Variants in DNER observed in about 807,000 individuals in gnomAD.
The protein encoded by DNER is delta and Notch-like epidermal growth factor-related receptor.
In DNER, 33 loss-of-function variants were observed where a neutral mutation model predicts 78.2. The observed-to-expected ratio is 0.42, with a 90% CI of 0.32 to 0.56. The LOEUF (loss-of-function observed/expected upper bound fraction) is 0.56. Ranked by LOEUF, DNER falls within the 20% of genes least tolerant of loss-of-function variation. The pLI, the probability that DNER is intolerant of heterozygous loss-of-function variation, is 0.11. For missense variants in DNER, 918 were observed against 975.3 expected (o/e 0.94, Z 0.78); for synonymous variants, 417 against 384.8 (o/e 1.08, Z -0.98).
chr2:229,565,485 A>T (rs893086877), intron 4 of DNER, among the ~76,000 whole-genome samples: 3 of 152,232 alleles, frequency 2.0e-5, no homozygotes, highest in African/African-American at 7.2e-5. Flanking sequence ...ATATGTGAAT[A>T]AACAAGATAT....
intron 4 of DNER, among the ~76,000 whole-genome samples, chr2:229,555,038 A>G (rs1174503330): frequency 1.3e-5 from 2 of 151,694 alleles, no homozygotes; most frequent in Non-Finnish European, 2.9e-5. Context: ...TTCATGGGCA[A>G]CAAGGTCATG....
chr2:229,407,455 G>C, intron 9 of DNER, 110 bp from the exon 10 acceptor site: 1 of 811,908 alleles, frequency 1.2e-6, no homozygotes, highest in Non-Finnish European at 2.0e-6. Context: ...GATTCCCAGC[G>C]TGGGTGTGTG....
At chr2:229,586,640 T>C (rs1401683314) in intron 3 of DNER, 1 of 978,762 alleles carries the variant, frequency 1.0e-6, no homozygotes, top group African/African-American at 1.8e-5. Context: ...GCTTTTCTCC[T>C]CACAGCCCAA....
intron 8 of DNER, among the ~76,000 whole-genome samples, chr2:229,441,921 T>C (rs1401495687): frequency 6.6e-6 from 1 of 152,174 alleles, no homozygotes; most frequent in Non-Finnish European, 1.5e-5. Flanking sequence ...CTGCTCTTCT[T>C]TTTCTCAGTT....
chr2:229,477,253 C>T lies in DNER; in HGVS notation c.1148G>A (p.Gly383Asp). ...GSNFTCVCLP[G>D]YTGELCQSKI... ...GGACTGGCAAAGCTCTCCAGTATAA[C>T]CTGAATAAAACAAAATGTACATTTT... Residue 383 changes from glycine (G) to aspartate (D), a missense_variant and splice_region_variant, in exon 7 of 13, where the codon GGT (glycine) becomes GAT (aspartate). Gly to Asp is a moderately conservative substitution (Grantham distance 94, BLOSUM62 -1). Coordinates refer to ENST00000341772, the MANE Select transcript of DNER (RefSeq NM_139072.4). 6.2e-7 allele frequency: 1 copy of T among 1,605,736 alleles called. No homozygotes were observed. Among genetic ancestry groups the T allele is most frequent in the Admixed American group, 1.7e-5 (1 of 59,056 alleles).
chr2:229,413,321 C>CT (rs398061160), intron 9 of DNER, among the ~76,000 whole-genome samples: 4,243 of 67,648 alleles, frequency 0.063, 477 homozygotes, highest in African/African-American at 0.2. Flanking sequence ...TTTTCTTCTT[C>CT]TTTTTTTTTT....
At chr2:229,630,524 A>AATAATAAT (rs1434299768) in intron 1 of DNER, among the ~76,000 whole-genome samples, 1 of 138,088 alleles carries the variant, frequency 7.2e-6, no homozygotes, top group Non-Finnish European at 1.6e-5. Flanking sequence ...ATAATAATAA[A>AATAATAAT]ATCTTCTGGC....
intron 10 of DNER, among the ~76,000 whole-genome samples, chr2:229,402,152 AT>A (rs1693281766): frequency 6.6e-6 from 1 of 152,170 alleles, no homozygotes; most frequent in Admixed American, 6.5e-5. Context: ...AAGAAAAAAA[AT>A]TGATAAATTA....
intron 5 of DNER, among the ~76,000 whole-genome samples, chr2:229,526,207 G>A (rs1000222291): frequency 1.3e-5 from 2 of 152,058 alleles, no homozygotes; most frequent in Admixed American, 1.3e-4. Context: ...CACATGAAGC[G>A]ATTTCTTTTG....
At chr2:229,519,803 T>C (rs1200142957) in intron 5 of DNER, among the ~76,000 whole-genome samples, 1 of 152,106 alleles carries the variant, frequency 6.6e-6, no homozygotes, top group African/African-American at 2.4e-5. Flanking sequence ...TGGTGGCATT[T>C]TAGTTCTCAC....
chr2:229,705,327 CTG>C (rs911691050), intron 1 of DNER, among the ~76,000 whole-genome samples: 8 of 152,370 alleles, frequency 5.3e-5, no homozygotes, highest in African/African-American at 1.4e-4. Context: ...CTTTCAGGAA[CTG>C]TGAGCAAAAG....
intron 1 of DNER, among the ~76,000 whole-genome samples, chr2:229,631,970 A>G (rs184735145): frequency 5.8e-4 from 89 of 152,368 alleles, no homozygotes; most frequent in Middle Eastern, 6.8e-3. Context: ...TACTAATTCT[A>G]TATCAACCAA....
At chr2:229,541,454 C>A (rs1279826986) in intron 5 of DNER, among the ~76,000 whole-genome samples, 4 of 152,114 alleles carry the variant, frequency 2.6e-5, no homozygotes, top group Admixed American at 1.3e-4. Flanking sequence ...ACACTGAAAT[C>A]AGTAAGTTTA....
chr2:229,636,108 A>T (rs1212837319), intron 1 of DNER, among the ~76,000 whole-genome samples: 4 of 152,136 alleles, frequency 2.6e-5, no homozygotes, highest in Non-Finnish European at 5.9e-5. Context: ...GGCACACCGT[A>T]ACTCCTCCAA....
chr2:229,509,978 T>C (rs1040877803), intron 6 of DNER, among the ~76,000 whole-genome samples: 13 of 152,112 alleles, frequency 8.5e-5, no homozygotes, highest in African/African-American at 3.1e-4. Flanking sequence ...CAGCCAAGAC[T>C]TCCTGAGAAA....
chr2:229,615,893 T>C (rs1698152791), intron 1 of DNER, among the ~76,000 whole-genome samples: 3 of 152,156 alleles, frequency 2.0e-5, no homozygotes, highest in Admixed American at 6.5e-5. Context: ...GAGGGTCTAA[T>C]TCCCCAGGTA....
At chr2:229,432,660 A>C (rs13416229) in intron 8 of DNER, among the ~76,000 whole-genome samples, 27,917 of 152,082 alleles carry the variant, frequency 0.18, 3,297 homozygotes, top group East Asian at 0.45. Context: ...AGCAGCATCA[A>C]CACCACCTGG....
intron 5 of DNER, among the ~76,000 whole-genome samples, chr2:229,528,657 C>G (rs187219937): frequency 6.6e-6 from 1 of 152,152 alleles, no homozygotes. Context: ...TATGGAAGCC[C>G]ATGCTGACAT....
At chr2:229,603,736 T>TG (rs72395169) in intron 1 of DNER, among the ~76,000 whole-genome samples, 2,149 of 152,128 alleles carry the variant, frequency 0.014, 45 homozygotes, top group Middle Eastern at 0.048. Context: ...GTACATATTT[T>TG]GGGGGGGTGC....
Sources: allele counts gnomAD v4.1 joint callset (sites outside exome capture counted in the v4.1 genomes callset), GRCh38; gene constraint gnomAD v4.1.1; transcripts MANE v1.5; gene names NCBI Gene and HGNC (gene_info 2026-07-23, HGNC 2026-07-21).